The following MALRD1 variants were observed in gnomAD, a reference collection of about 807,000 sequenced individuals.
MALRD1 encodes the protein MAM and LDL-receptor class A domain-containing protein 1.
A neutral mutation model predicts 242.1 loss-of-function variants in MALRD1; 247 were observed. The ratio of observed to expected loss-of-function variants is 1.02; its 90% CI spans 0.92 to 1.13. The LOEUF (loss-of-function observed/expected upper bound fraction) is 1.13. MALRD1 is among the 50% of genes most tolerant of loss of function. The pLI is 0.00. For synonymous variants in MALRD1, 995 were observed against 866.6 expected, an observed-to-expected ratio of 1.15 and a Z score of -2.60; for missense variants, 2,989 against 2,533.1, an observed-to-expected ratio of 1.18 and a Z score of -3.86.
At chr10:19,136,035 A>T (rs1409625036) in intron 9 of MALRD1, among the ~76,000 whole-genome samples, 2 of 152,200 alleles carry the variant, frequency 1.3e-5, no homozygotes, top group Admixed American at 6.5e-5. Flanking sequence ...TTTTATGTTT[A>T]TTCCCTTACA....
chr10:19,339,378 T>C (rs554406712), intron 24 of MALRD1, among the ~76,000 whole-genome samples: 1 of 152,290 alleles, frequency 6.6e-6, no homozygotes, highest in South Asian at 2.1e-4. Context: ...CGTCAAGTAG[T>C]AGCCAATTCA....
intron 26 of MALRD1, among the ~76,000 whole-genome samples, chr10:19,352,517 T>C (rs550091803): frequency 1.3e-5 from 2 of 152,304 alleles, no homozygotes; most frequent in African/African-American, 4.8e-5. Context: ...TATCAGTTCC[T>C]GGCTTCTCTG....
intron 36 of MALRD1, among the ~76,000 whole-genome samples, chr10:19,627,886 G>T (rs1423002300): frequency 6.6e-6 from 1 of 151,082 alleles, no homozygotes; most frequent in African/African-American, 2.4e-5. Flanking sequence ...TAAAAATTAT[G>T]TAACAGATAA....
intron 31 of MALRD1, among the ~76,000 whole-genome samples, chr10:19,529,881 T>C (rs1427500034): frequency 6.6e-6 from 1 of 152,086 alleles, no homozygotes; most frequent in Non-Finnish European, 1.5e-5. Flanking sequence ...CATAACATTA[T>C]GTAGTAATAA....
intron 18 of MALRD1, among the ~76,000 whole-genome samples, chr10:19,223,092 T>C (rs1310994116): frequency 6.6e-6 from 1 of 152,196 alleles, no homozygotes; most frequent in Non-Finnish European, 1.5e-5. Context: ...GATTCTTCTT[T>C]CTTAAAAGTG....
chr10:19,296,675 T>A (rs1841716359), intron 21 of MALRD1, among the ~76,000 whole-genome samples: 1 of 152,128 alleles, frequency 6.6e-6, no homozygotes, highest in South Asian at 2.1e-4. Context: ...TTAAATATCT[T>A]ATTGGCTATT....
intron 18 of MALRD1, among the ~76,000 whole-genome samples, chr10:19,243,232 T>G (rs1046574245): frequency 1.2e-4 from 18 of 151,958 alleles, no homozygotes; most frequent in Admixed American, 1.1e-3. Flanking sequence ...AATTTATATT[T>G]TTGTTACCTT....
intron 18 of MALRD1, among the ~76,000 whole-genome samples, chr10:19,237,641 T>G (rs1223743032): frequency 1.6e-5 from 1 of 64,158 alleles, no homozygotes; most frequent in Non-Finnish European, 2.8e-5. Flanking sequence ...TAATTATATA[T>G]AAATTATTAT....
At chr10:19,279,875 C>T (rs191701155) in intron 19 of MALRD1, among the ~76,000 whole-genome samples, 172 bp from the exon 20 acceptor site, 2 of 152,284 alleles carry the variant, frequency 1.3e-5, no homozygotes, top group Admixed American at 1.3e-4. Flanking sequence ...TAGTTATTTA[C>T]TGTTACTAAA....
intron 28 of MALRD1, among the ~76,000 whole-genome samples, chr10:19,444,798 C>G (rs1187657922): frequency 6.6e-6 from 1 of 152,108 alleles, no homozygotes; most frequent in Non-Finnish European, 1.5e-5. Context: ...TGGAGTTGCT[C>G]TTCTCAAGGA....
intron 11 of MALRD1, among the ~76,000 whole-genome samples, chr10:19,146,629 T>G (rs933923682): frequency 1.3e-5 from 2 of 152,202 alleles, no homozygotes; most frequent in African/African-American, 4.8e-5. Flanking sequence ...TTGCCCAGAA[T>G]CAAGTACAGT....
At position 19,450,353 on chromosome 10, in the gene MALRD1, C is replaced by G; in HGVS notation, c.4892C>G (p.Pro1631Arg). ...GTATGGCAAGAAAGTAAGCAGAACC[C>G]TGGTAATCATTGGCAAAAGGCTGAC... ...SKVWQESKQN[P>R]GNHWQKADIL... The change falls in exon 29 of 40, where the codon CCT becomes CGT. Residue 1631 changes from proline (P) to arginine (R), a missense_variant. Coordinates refer to ENST00000454679, the MANE Select transcript of MALRD1 (RefSeq NM_001142308.3). 1.3e-6 allele frequency: 2 copies of G among 1,549,480 alleles called. No homozygotes were observed. Among genetic ancestry groups the G allele is most frequent in the Non-Finnish European group, 1.7e-6 (2 of 1,146,908 alleles).
At chr10:19,314,304 T>A (rs1842546327) in intron 21 of MALRD1, among the ~76,000 whole-genome samples, 1 of 151,578 alleles carries the variant, frequency 6.6e-6, no homozygotes, top group Non-Finnish European at 1.5e-5. Flanking sequence ...TCAAGAAATC[T>A]TGAGTTTAGA....
At position 19,209,360 on chromosome 10, in the gene MALRD1, A is replaced by C; in HGVS notation, c.2671A>C (p.Thr891Pro). ...DFDWTRSQGP[T>P]PTLNTGPMKD... ...TGATTGGACCAGGAGCCAGGGTCCA[A>C]CTCCAACACTTAACACAGGGCCAAT... The change falls in exon 18 of 40, where the codon ACT (threonine) becomes CCT (proline). Residue 891 changes from threonine (T) to proline (P), a missense_variant. Physicochemically the swap from Thr to Pro is conservative, Grantham distance 38 (BLOSUM62 -1). Coordinates refer to ENST00000454679, the MANE Select transcript of MALRD1 (RefSeq NM_001142308.3). 6.4e-7 allele frequency: 1 copy of C among 1,550,766 alleles called. No homozygotes were observed. Among genetic ancestry groups the C allele is most frequent in the Non-Finnish European group, 8.7e-7 (1 of 1,147,026 alleles).
chr10:19,630,856 G>T (rs1191762629), intron 36 of MALRD1, among the ~76,000 whole-genome samples: 2 of 151,822 alleles, frequency 1.3e-5, no homozygotes, highest in African/African-American at 4.8e-5. Flanking sequence ...ATATTTTTTG[G>T]TTTGTTTTTA....
Position 19,283,114 on chromosome 10 carries a change from G to C in MALRD1, c.3352G>C (p.Gly1118Arg), listed in dbSNP as rs899982580. 2.6e-6 allele frequency: 4 copies of C among 1,549,356 alleles called. No homozygotes were observed. The highest frequency in any genetic ancestry group is 1.4e-5 in the African/African-American group (1 of 72,948). The change falls in exon 21 of 40, where the codon GGG (glycine) becomes CGG (arginine). Residue 1118 changes from glycine to arginine, a missense_variant. Physicochemically the swap from Gly to Arg is moderately radical, Grantham distance 125. Coordinates refer to ENST00000454679, the MANE Select transcript of MALRD1 (RefSeq NM_001142308.3). ...LLQDSNTFRWGLGNGISIHHG... is the reference protein window; with the variant it reads ...LLQDSNTFRWRLGNGISIHHG... The stretch of plus-strand genomic sequence containing the variant: ...TCAAGATTCAAACACATTCAGGTGG[G>C]GGCTTGGGAACGGGATCAGCATTCA...
intron 19 of MALRD1, among the ~76,000 whole-genome samples, chr10:19,273,687 G>C (rs1840365389): frequency 6.6e-6 from 1 of 152,180 alleles, no homozygotes; most frequent in Non-Finnish European, 1.5e-5. Flanking sequence ...CAAAACTATG[G>C]AGATAGTAAA....
At chr10:19,583,619 G>A (rs528376728) in intron 33 of MALRD1, among the ~76,000 whole-genome samples, 30 of 152,096 alleles carry the variant, frequency 2.0e-4, no homozygotes, top group African/African-American at 5.5e-4. Flanking sequence ...TGCTGGATTC[G>A]GTTTGCCAGT....
chr10:19,326,248 G>GA (rs1274935575), intron 22 of MALRD1, among the ~76,000 whole-genome samples: 1 of 152,138 alleles, frequency 6.6e-6, no homozygotes, highest in East Asian at 1.9e-4. Context: ...AGTAAAATGA[G>GA]AATTATTTGC....
Sources: allele counts gnomAD v4.1 joint callset (sites outside exome capture counted in the v4.1 genomes callset), GRCh38; gene constraint gnomAD v4.1.1; transcripts MANE v1.5; gene names NCBI Gene and HGNC (gene_info 2026-07-23, HGNC 2026-07-21).